The following PGAP1 variants were observed in gnomAD, a reference collection of about 807,000 sequenced individuals.
The protein encoded by PGAP1 is GPI inositol-deacylase.
Under a neutral mutation model 127.0 loss-of-function variants are expected in PGAP1, and 76 were observed. The ratio of observed to expected loss-of-function variants is 0.60; its 90% CI spans 0.50 to 0.72. PGAP1 has a LOEUF of 0.72. Ranked by LOEUF, PGAP1 falls within the 30% of genes least tolerant of loss-of-function variation. PGAP1 has a pLI of 0.00. For synonymous variants in PGAP1, 362 were observed against 366.5 expected (o/e 0.99, Z 0.14); for missense variants, 982 against 1,071.3 (o/e 0.92, Z 1.16).
intron 19 of PGAP1, among the ~76,000 whole-genome samples, chr2:196,869,760 A>T (rs1701356235): frequency 6.6e-6 from 1 of 152,250 alleles, no homozygotes; most frequent in African/African-American, 2.4e-5. Flanking sequence ...TATAATGTTC[A>T]CAAATTAATA....
intron 19 of PGAP1, among the ~76,000 whole-genome samples, chr2:196,870,545 C>T (rs1359786372): frequency 6.6e-6 from 1 of 152,168 alleles, no homozygotes; most frequent in Non-Finnish European, 1.5e-5. Context: ...ATCTGCCTGC[C>T]TTGGCCTCCC....
At chr2:196,914,204 C>CTAGA (rs1702927778) in intron 3 of PGAP1, among the ~76,000 whole-genome samples, 2 of 152,172 alleles carry the variant, frequency 1.3e-5, no homozygotes, top group Non-Finnish European at 2.9e-5. Context: ...TCCCTATCAA[C>CTAGA]TAGATCACTT....
intron 20 of PGAP1, among the ~76,000 whole-genome samples, chr2:196,857,454 C>A (rs1197428841): frequency 6.6e-6 from 1 of 152,162 alleles, no homozygotes; most frequent in African/African-American, 2.4e-5. Context: ...CTCCTAGTCA[C>A]CAATCATTAC....
intron 2 of PGAP1, among the ~76,000 whole-genome samples, chr2:196,919,246 G>A (rs1333626442): frequency 6.6e-6 from 1 of 152,144 alleles, no homozygotes; most frequent in Non-Finnish European, 1.5e-5. Context: ...TAAATTTGAT[G>A]AGAGAGGGAC....
intron 20 of PGAP1, among the ~76,000 whole-genome samples, chr2:196,855,277 G>C (rs1296569283): frequency 7.2e-6 from 1 of 139,216 alleles, no homozygotes; most frequent in Non-Finnish European, 1.5e-5. Flanking sequence ...AGTGAGCCTA[G>C]ATCGAGCCAC....
Position 196,897,174 on chromosome 2 carries a change from G to C in PGAP1, c.884C>G (p.Thr295Arg). Reference sequence around the variant, plus strand: ...AATAAGATCAAAGAATGCTCGAACTGTAGTCAACTGCAATTGTTTACACCT... The same window carrying C: ...AATAAGATCAAAGAATGCTCGAACTCTAGTCAACTGCAATTGTTTACACCT... Reference protein sequence around the residue: ...IVWCKQLQLTTVRAFFDLIDA... With the variant: ...IVWCKQLQLTRVRAFFDLIDA... Residue 295 changes from threonine to arginine, a missense_variant, in exon 7 of 27, where the codon ACA becomes AGA. Physicochemically the swap from Thr to Arg is moderately conservative, Grantham distance 71. Coordinates refer to ENST00000354764, the MANE Select transcript of PGAP1 (RefSeq NM_024989.4). 6.3e-7 allele frequency: 1 copy of C among 1,583,576 alleles called. No homozygotes were observed. Among genetic ancestry groups the C allele is most frequent in the Non-Finnish European group, 8.6e-7 (1 of 1,162,662 alleles).
chr2:196,922,453 A>G (rs1039829945), intron 1 of PGAP1: 160 of 982,022 alleles, frequency 1.6e-4, no homozygotes, highest in Non-Finnish European at 1.8e-4. Flanking sequence ...GAATAGTTAT[A>G]GGGGCTCCAT....
chr2:196,888,977 A>G (rs566382256), intron 10 of PGAP1, among the ~76,000 whole-genome samples: 2 of 152,340 alleles, frequency 1.3e-5, no homozygotes, highest in South Asian at 4.1e-4. Context: ...GTTGATTATA[A>G]AAAAATTCAT....
chr2:196,879,540 C>T (rs1410496665), intron 13 of PGAP1, among the ~76,000 whole-genome samples: 1 of 152,128 alleles, frequency 6.6e-6, no homozygotes, highest in Non-Finnish European at 1.5e-5. Flanking sequence ...ACTAAAAATA[C>T]AACAATTAGC....
In PGAP1 at chr2:196,912,866, A is replaced by T; in HGVS notation, c.649+16T>A. 6.4e-7 allele frequency: 1 copy of T among 1,573,096 alleles called. No homozygotes were observed. Among genetic ancestry groups the T allele is most frequent in the Non-Finnish European group, 8.6e-7 (1 of 1,158,270 alleles). On this transcript the variant is annotated intron_variant, in intron 4 of 26. Coordinates refer to ENST00000354764, the MANE Select transcript of PGAP1 (RefSeq NM_024989.4). ...AATAACAATGGGGAGGTTAATGTTC[A>T]TGTAACAGTACTCACCTGTAATGAA...
At position 196,902,737 on chromosome 2, in the gene PGAP1, A is replaced by T; in HGVS notation, c.655T>A (p.Tyr219Asn). ...ATCCAATAGTTGTTTACAGTCGTAT[A>T]AAAATCTGGTGGGGAATAAAAAAGA... ...MPLDRFITDF[Y>N]TTVNNYWILN... The change falls in exon 5 of 27, where the codon TAT (tyrosine) becomes AAT (asparagine). Residue 219 changes from tyrosine to asparagine, a missense_variant. By Grantham distance (143) the Tyr-to-Asn change is moderately radical (BLOSUM62 -2). Coordinates refer to ENST00000354764, the MANE Select transcript of PGAP1 (RefSeq NM_024989.4). The T allele has an allele frequency of 1.2e-6, 2 of 1,601,538 alleles. No individual in the cohort carries two copies. Among genetic ancestry groups the T allele is most frequent in the South Asian group, 1.1e-5 (1 of 88,344 alleles).
At chr2:196,888,641 G>A (rs1031747443) in intron 10 of PGAP1, among the ~76,000 whole-genome samples, 1 of 151,678 alleles carries the variant, frequency 6.6e-6, no homozygotes, top group African/African-American at 2.4e-5. Context: ...AAGGGGGTGG[G>A]GCTATTTATT....
intron 25 of PGAP1, 41 bp downstream of exon 25, chr2:196,843,847 G>A: frequency 1.5e-6 from 2 of 1,301,918 alleles, no homozygotes; most frequent in Non-Finnish European, 2.0e-6. Context: ...GATATTTATT[G>A]TTTGAACCAC....
In PGAP1 at chr2:196,898,370, C is replaced by CTT; in HGVS notation, c.808-2_808-1insAA. ...CCCAGGTCTTAGGCACTGCTGAACT[C>CTT]TAAAAGAAAAGAAAAAAATAAACTT... On this transcript the variant is annotated splice_acceptor_variant, in intron 5 of 26. Transcript: ENST00000354764. LOFTEE classifies it high-confidence loss of function. 1 of 1,603,078 alleles carries CTT rather than the reference C, an allele frequency of 6.2e-7. No homozygotes were observed. Among genetic ancestry groups the CTT allele is most frequent in the East Asian group, 2.2e-5 (1 of 44,678 alleles).
In PGAP1 at chr2:196,920,056, A is replaced by C; in HGVS notation, c.242T>G (p.Leu81Arg). The change falls in exon 2 of 27, where the codon CTC becomes CGC. Residue 81 changes from leucine to arginine, a missense_variant. Physicochemically the swap from Leu to Arg is moderately radical, Grantham distance 102. Transcript: ENST00000354764. ...GAGAACTGGAATACCCGTCAAAGGG[A>C]GAATTTTGTGTTCTTCAGCATAGGA... is the stretch of plus-strand genomic sequence containing the variant. ...EGSYAEEHKI[L>R]PLTGIPVLFL... The C allele has an allele frequency of 6.2e-7, 1 of 1,613,526 alleles. No homozygotes were observed. The highest frequency in any genetic ancestry group is 1.1e-5 in the South Asian group (1 of 90,984).
At chr2:196,852,910 A>C (rs1700766560) in intron 20 of PGAP1, among the ~76,000 whole-genome samples, 1 of 152,198 alleles carries the variant, frequency 6.6e-6, no homozygotes, top group Non-Finnish European at 1.5e-5. Context: ...GTTGATGAAG[A>C]GTGACTTTAT....
intron 16 of PGAP1, 24 bp downstream of exon 16, chr2:196,873,504 A>T: frequency 6.4e-7 from 1 of 1,567,572 alleles, no homozygotes. Flanking sequence ...TATTTTCTAT[A>T]CATTTTTTAG....
chr2:196,862,905 C>T (rs748394980), intron 20 of PGAP1, among the ~76,000 whole-genome samples: 17 of 152,038 alleles, frequency 1.1e-4, no homozygotes, highest in Non-Finnish European at 1.5e-4. Flanking sequence ...GCAACAAGAG[C>T]AAAACTCCAT....
intron 10 of PGAP1, among the ~76,000 whole-genome samples, chr2:196,889,865 A>G (rs1702040679): frequency 6.6e-6 from 1 of 151,524 alleles, no homozygotes; most frequent in African/African-American, 2.4e-5. Flanking sequence ...TCTCAAAAAA[A>G]AAAAAAAAAA....
Sources: allele counts gnomAD v4.1 joint callset (sites outside exome capture counted in the v4.1 genomes callset), GRCh38; gene constraint gnomAD v4.1.1; transcripts MANE v1.5; gene names NCBI Gene and HGNC (gene_info 2026-07-23, HGNC 2026-07-21).